Variants in XYLT1 observed in about 807,000 individuals in gnomAD.
XYLT1 encodes beta-D-xylosyltransferase 1.
In XYLT1, 36 loss-of-function variants were observed where a neutral mutation model predicts 91.3. The observed-to-expected ratio is 0.39, with a 90% confidence interval of 0.30 to 0.52. The LOEUF (loss-of-function observed/expected upper bound fraction) is 0.52. Among genes scored for constraint, XYLT1 ranks in the 20% least tolerant of loss-of-function variants. The pLI, the probability that XYLT1 is intolerant of heterozygous loss-of-function variation, is 0.68. For missense variants in XYLT1, 1,242 were observed against 1,284.5 expected (o/e 0.97, Z 0.51); for synonymous variants, 588 against 532.0 (o/e 1.11, Z -1.45).
chr16:17,358,114 TC>T, intron 1 of XYLT1, 64 bp from the exon 2 acceptor site: 1 of 1,405,098 alleles, frequency 7.1e-7, no homozygotes, highest in Non-Finnish European at 9.7e-7. Flanking sequence ...TACCCCAGCA[TC>T]TTTTTCTTTC....
chr16:17,263,162 C>T (rs1366026589), intron 2 of XYLT1, among the ~76,000 whole-genome samples: 1 of 152,024 alleles, frequency 6.6e-6, no homozygotes, highest in Non-Finnish European at 1.5e-5. Flanking sequence ...CAAGTTTCCC[C>T]GCCACACAAC....
At chr16:17,449,860 T>C (rs1410256993) in intron 1 of XYLT1, among the ~76,000 whole-genome samples, 1 of 152,200 alleles carries the variant, frequency 6.6e-6, no homozygotes, top group Non-Finnish European at 1.5e-5. Context: ...AATGTCATCT[T>C]AAAGTGGGGT....
chr16:17,281,549 A>G (rs2034058828), intron 2 of XYLT1, among the ~76,000 whole-genome samples: 1 of 152,220 alleles, frequency 6.6e-6, no homozygotes, highest in African/African-American at 2.4e-5. Context: ...AAACAAAAGG[A>G]AAAAGGAACA....
chr16:17,187,898 T>C (rs1439282590), intron 5 of XYLT1, among the ~76,000 whole-genome samples: 2 of 152,228 alleles, frequency 1.3e-5, no homozygotes, highest in East Asian at 3.9e-4. Context: ...TGTTGGCTTA[T>C]GATTGGCTTT....
Position 17,108,059 on chromosome 16 carries a change from C to G in XYLT1, c.*636G>C, listed in dbSNP as rs1352767227. 6.5e-6 allele frequency: 1 copy of G among 152,718 alleles called. No individual in the cohort carries two copies. The highest frequency in any genetic ancestry group is 1.5e-5 in the Non-Finnish European group (1 of 68,122). The allele number at this position is 152,718 out of a possible 1,614,324, so 9.5% of individuals were successfully genotyped here. ...TGCAGCCTCCATGGGAAAGGGCCCA[C>G]GACCATGACTTTCAAGGCTGGCACC... On this transcript the variant is annotated 3_prime_UTR_variant, in exon 12 of 12. Transcript: ENST00000261381.
At chr16:17,441,429 G>T (rs776412415) in intron 1 of XYLT1, among the ~76,000 whole-genome samples, 11 of 152,040 alleles carry the variant, frequency 7.2e-5, no homozygotes, top group Non-Finnish European at 1.6e-4. Flanking sequence ...ATACCTGAAA[G>T]AATGGATAAC....
At chr16:17,155,572 G>A (rs766593544) in intron 6 of XYLT1, among the ~76,000 whole-genome samples, 9 of 152,220 alleles carry the variant, frequency 5.9e-5, no homozygotes, top group Non-Finnish European at 1.2e-4. Context: ...ATGGATGATG[G>A]GCTATAGGTA....
At chr16:17,439,916 T>C (rs2036511423) in intron 1 of XYLT1, among the ~76,000 whole-genome samples, 1 of 152,228 alleles carries the variant, frequency 6.6e-6, no homozygotes, top group African/African-American at 2.4e-5. Context: ...CACTCACTTC[T>C]AATAAACAGA....
At position 17,108,528 on chromosome 16, in the gene XYLT1, T is replaced by C; in HGVS notation, c.*167A>G. The C allele has an allele frequency of 1.5e-6, 1 of 679,574 alleles. No homozygotes were observed. The highest frequency in any genetic ancestry group is 2.3e-6 in the Non-Finnish European group (1 of 430,296). 42.1% of individuals were successfully genotyped at this position (679,574 alleles called of 1,614,324 possible). A position where few individuals can be genotyped will look rare whatever the true frequency, so the allele number is the denominator to read the frequency against. On this transcript the variant is annotated 3_prime_UTR_variant, in exon 12 of 12. Coordinates refer to ENST00000261381, the MANE Select transcript of XYLT1 (RefSeq NM_022166.4). ...AGCTTGCCAAAGGCAGGTTGTTGGC[T>C]GATCCTGCTTTGACCTGCTGACCTT...
At position 17,107,019 on chromosome 16, in the gene XYLT1, A is replaced by G. The variant is rs1966786472; in HGVS notation, c.*1676T>C. On this transcript the variant is annotated 3_prime_UTR_variant, in exon 12 of 12. Coordinates refer to ENST00000261381, the MANE Select transcript of XYLT1 (RefSeq NM_022166.4). Reference sequence around the variant, plus strand: ...AAGATGGGAAAAGGGGCCTTTTGTGAATAAAGGCAGCTTCAGTTAGTAAGG... The same window carrying G: ...AAGATGGGAAAAGGGGCCTTTTGTGGATAAAGGCAGCTTCAGTTAGTAAGG... The G allele has an allele frequency of 6.6e-6, 1 of 152,120 alleles. No homozygotes were observed. The highest frequency in any genetic ancestry group is 1.5e-5 in the Non-Finnish European group (1 of 68,022). 9.4% of individuals were successfully genotyped at this position (152,120 alleles called of 1,614,324 possible). A position where few individuals can be genotyped will look rare whatever the true frequency, so the allele number is the denominator to read the frequency against.
intron 6 of XYLT1, among the ~76,000 whole-genome samples, chr16:17,141,890 G>A (rs1332125700): frequency 6.6e-6 from 1 of 152,136 alleles, no homozygotes; most frequent in Non-Finnish European, 1.5e-5. Context: ...ATTATATACA[G>A]GATTACAACA....
At chr16:17,370,675 T>G (rs2035521250) in intron 1 of XYLT1, among the ~76,000 whole-genome samples, 1 of 152,196 alleles carries the variant, frequency 6.6e-6, no homozygotes, top group African/African-American at 2.4e-5. Context: ...CAAGCAGTAT[T>G]CAGCTCAGGC....
chr16:17,117,155 G>A (rs773433903), intron 11 of XYLT1, among the ~76,000 whole-genome samples: 11 of 152,094 alleles, frequency 7.2e-5, no homozygotes, highest in Non-Finnish European at 1.6e-4. Flanking sequence ...GTAGTGGGCT[G>A]GATTGGCCAA....
chr16:17,380,649 G>C (rs1567401906), intron 1 of XYLT1, among the ~76,000 whole-genome samples: 1 of 152,136 alleles, frequency 6.6e-6, no homozygotes, highest in Non-Finnish European at 1.5e-5. Context: ...TCCTCCTCTG[G>C]GTTCACAACC....
At chr16:17,326,574 A>C (rs2034805572) in intron 2 of XYLT1, among the ~76,000 whole-genome samples, 1 of 151,768 alleles carries the variant, frequency 6.6e-6, no homozygotes, top group African/African-American at 2.4e-5. Flanking sequence ...CTGTAATCCC[A>C]GCACTTTCGG....
chr16:17,241,085 G>A (rs573947798), intron 3 of XYLT1, among the ~76,000 whole-genome samples: 54 of 152,324 alleles, frequency 3.5e-4, no homozygotes, highest in African/African-American at 1.2e-3. Flanking sequence ...GATTCCAGAC[G>A]CATAAGTAAA....
chr16:17,222,890 G>T (rs986104165), intron 3 of XYLT1, among the ~76,000 whole-genome samples: 2 of 151,478 alleles, frequency 1.3e-5, no homozygotes, highest in Non-Finnish European at 2.9e-5. Context: ...AACTGTGACG[G>T]CCGCTCTTCG....
chr16:17,149,712 A>G (rs2031236218), intron 6 of XYLT1, among the ~76,000 whole-genome samples: 3 of 152,160 alleles, frequency 2.0e-5, no homozygotes, highest in Admixed American at 6.5e-5. Flanking sequence ...TTCTATTGGG[A>G]TGCAGTGGCA....
intron 2 of XYLT1, among the ~76,000 whole-genome samples, chr16:17,289,954 T>A (rs2141796813): frequency 6.6e-6 from 1 of 152,276 alleles, no homozygotes; most frequent in Non-Finnish European, 1.5e-5. Context: ...GCAAATGAAA[T>A]CCCAGTGATT....
Sources: allele counts gnomAD v4.1 joint callset (sites outside exome capture counted in the v4.1 genomes callset), GRCh38; gene constraint gnomAD v4.1.1; transcripts MANE v1.5; gene names NCBI Gene and HGNC (gene_info 2026-07-23, HGNC 2026-07-21).